The following UPP2 variants were observed in gnomAD, a reference collection of about 807,000 sequenced individuals.
UPP2 encodes the protein uridine phosphorylase 2.
A neutral mutation model predicts 26.7 loss-of-function variants in UPP2; 23 were observed. That is an observed-to-expected ratio of 0.86 (90% CI 0.62 to 1.22). UPP2 has a LOEUF of 1.22. UPP2 is among the 50% of genes most tolerant of loss of function. The pLI, the probability that UPP2 is intolerant of heterozygous loss-of-function variation, is 0.00. For missense variants in UPP2, 387 were observed against 396.7 expected (o/e 0.98, Z 0.21); for synonymous variants, 127 against 141.3 (o/e 0.90, Z 0.72).
intron 3 of UPP2, among the ~76,000 whole-genome samples, chr2:158,042,807 T>C (rs966010587): frequency 3.9e-5 from 6 of 152,068 alleles, no homozygotes; most frequent in African/African-American, 1.2e-4. Context: ...CCGGCGAGGA[T>C]GCTGGAGAGG....
intron 3 of UPP2, among the ~76,000 whole-genome samples, chr2:158,071,215 C>G (rs1682534129): frequency 6.6e-6 from 1 of 152,066 alleles, no homozygotes; most frequent in Non-Finnish European, 1.5e-5. Context: ...TAAGGGAGTG[C>G]AAGCATCATC....
intron 3 of UPP2, among the ~76,000 whole-genome samples, chr2:158,032,578 G>A (rs1558909226): frequency 6.6e-6 from 1 of 152,146 alleles, no homozygotes; most frequent in Non-Finnish European, 1.5e-5. Context: ...GGGACATGGG[G>A]GAGGTGCTGA....
At chr2:158,125,354 C>A (rs1319526976) in intron 6 of UPP2, among the ~76,000 whole-genome samples, 1 of 151,386 alleles carries the variant, frequency 6.6e-6, no homozygotes. Flanking sequence ...TTGCATCTGT[C>A]AGAATATATG....
At chr2:158,107,199 T>C (rs936318161) in intron 2 of UPP2, among the ~76,000 whole-genome samples, 2 of 152,252 alleles carry the variant, frequency 1.3e-5, no homozygotes, top group African/African-American at 4.8e-5. Flanking sequence ...ACTTTTGTTT[T>C]CCAAAAGACT....
chr2:158,051,362 G>A (rs1464365726), intron 3 of UPP2, among the ~76,000 whole-genome samples: 1 of 152,082 alleles, frequency 6.6e-6, no homozygotes, highest in East Asian at 1.9e-4. Context: ...AAAAGAAGAG[G>A]CTAGAGGGAC....
intron 3 of UPP2, among the ~76,000 whole-genome samples, chr2:158,025,201 CAAAA>C (rs60557993): frequency 3.8e-5 from 3 of 78,632 alleles, no homozygotes; most frequent in Admixed American, 1.5e-4. Flanking sequence ...GACTCCCTCT[CAAAA>C]AAAAAAAAAA....
rs780340741 is a variant in UPP2 at position 157,995,399 on chromosome 2, T to C, written c.61+140T>C. On this transcript the variant is annotated intron_variant, in intron 2 of 9. Coordinates refer to the UPP2 transcript ENST00000605860. ...GCTTCCATCAACTGGCACAAATAAT[T>C]AAGGGATGATGCAACACATATTGGT... is the stretch of plus-strand genomic sequence containing the variant. 4.3e-6 allele frequency: 4 copies of C among 923,600 alleles called. No homozygotes were observed. In the Admixed American group the frequency reaches 8.7e-5, roughly 20 times the overall value. 57.2% of individuals were successfully genotyped at this position (923,600 alleles called of 1,614,324 possible).
chr2:158,050,357 T>A (rs1368953823), intron 3 of UPP2, among the ~76,000 whole-genome samples: 1 of 152,154 alleles, frequency 6.6e-6, no homozygotes, highest in Non-Finnish European at 1.5e-5. Context: ...AGTAAACAGT[T>A]TGGCTCCAAT....
At chr2:158,079,616 C>A (rs1452502354) in intron 3 of UPP2, among the ~76,000 whole-genome samples, 3 of 152,114 alleles carry the variant, frequency 2.0e-5, no homozygotes, top group Non-Finnish European at 2.9e-5. Context: ...CATTCCACTT[C>A]ATTCAATTAT....
At chr2:158,001,222 C>T (rs1308585287) in intron 2 of UPP2, among the ~76,000 whole-genome samples, 3 of 152,152 alleles carry the variant, frequency 2.0e-5, no homozygotes, top group Admixed American at 2.0e-4. Flanking sequence ...AAATGGTCCA[C>T]TCAAATTGGG....
chr2:158,100,831 T>C (rs1054649377), upstream of UPP2, among the ~76,000 whole-genome samples: 4 of 152,162 alleles, frequency 2.6e-5, no homozygotes, highest in Non-Finnish European at 5.9e-5. Flanking sequence ...TTCCCCAATA[T>C]AGAGTCCCCT....
chr2:158,065,183 A>T (rs1401082747), intron 3 of UPP2, among the ~76,000 whole-genome samples: 1 of 152,186 alleles, frequency 6.6e-6, no homozygotes, highest in African/African-American at 2.4e-5. Flanking sequence ...CAGGCATAGC[A>T]TGACCTCTAT....
At chr2:158,028,342 C>T (rs915956847) in intron 3 of UPP2, among the ~76,000 whole-genome samples, 4 of 152,170 alleles carry the variant, frequency 2.6e-5, no homozygotes, top group Non-Finnish European at 5.9e-5. Flanking sequence ...TTCCACAAAT[C>T]TCTAGGGCAG....
chr2:158,128,023 C>G lies in UPP2; in HGVS notation c.811+4128C>G, dbSNP rs1020016675. On this transcript the variant is annotated intron_variant, in intron 6 of 6. Transcript: ENST00000005756. ...GATGAAAGATGATAATCCTCTTGTA[C>G]TGTGAACTTGTGGTAAGTATGTTTA... 4 of 985,130 alleles carry G rather than the reference C, an allele frequency of 4.1e-6. No homozygotes were observed. In the African/African-American group the frequency reaches 7.0e-5, roughly 17 times the overall value. The allele number at this position is 985,130 out of a possible 1,614,324, so 61.0% of individuals were successfully genotyped here. A position where few individuals can be genotyped will look rare whatever the true frequency, so the allele number is the denominator to read the frequency against.
At chr2:158,095,531 A>G (rs949210006) in intron 3 of UPP2, among the ~76,000 whole-genome samples, 8 of 152,260 alleles carry the variant, frequency 5.3e-5, no homozygotes, top group African/African-American at 1.9e-4. Flanking sequence ...AGCAGAGTAG[A>G]AAGAGTTTTC....
Position 158,059,782 on chromosome 2 carries a change from A to G in UPP2, c.148-42258A>G, listed in dbSNP as rs62177881. On this transcript the variant is annotated intron_variant, in intron 3 of 9. Transcript: ENST00000605860. Reference sequence around the variant, plus strand: ...TTCCATCCTTTTCCTCTCATCGAGCACTTGAGCCTTTGTCTCATACCCTAG... The same window carrying G: ...TTCCATCCTTTTCCTCTCATCGAGCGCTTGAGCCTTTGTCTCATACCCTAG... Among the ~76,000 whole-genome samples the G allele has an allele frequency of 9.0e-4, 137 of 152,208 alleles. No homozygotes were observed. In the Middle Eastern group the frequency reaches 0.01, roughly 11 times the overall value.
intron 3 of UPP2, among the ~76,000 whole-genome samples, chr2:158,095,753 A>G (rs1288755167): frequency 6.6e-6 from 1 of 151,960 alleles, no homozygotes; most frequent in Non-Finnish European, 1.5e-5. Flanking sequence ...GAGTAATGCT[A>G]TTAGCCACTG....
intron 2 of UPP2, 104 bp downstream of exon 2, chr2:158,106,320 A>T (rs2105214867): frequency 1.1e-6 from 1 of 896,016 alleles, no homozygotes; most frequent in East Asian, 2.6e-5. Flanking sequence ...GCACAGTCCC[A>T]ATAGGAACTG....
intron 3 of UPP2, among the ~76,000 whole-genome samples, chr2:158,048,286 A>G (rs1212324308): frequency 6.6e-6 from 1 of 152,202 alleles, no homozygotes; most frequent in Non-Finnish European, 1.5e-5. Flanking sequence ...ATGCTCAGTT[A>G]GAAGAACTGA....
Sources: allele counts gnomAD v4.1 joint callset (sites outside exome capture counted in the v4.1 genomes callset), GRCh38; gene constraint gnomAD v4.1.1; transcripts MANE v1.5; gene names NCBI Gene and HGNC (gene_info 2026-07-23, HGNC 2026-07-21).